The following OTUD3 variants were observed in gnomAD, a reference collection of about 807,000 sequenced individuals.
OTUD3 encodes OTU domain-containing protein 3.
A neutral mutation model predicts 46.2 loss-of-function variants in OTUD3; 24 were observed. That is an observed-to-expected ratio of 0.52 (90% CI 0.38 to 0.73). The LOEUF is 0.73. Among genes scored for constraint, OTUD3 ranks in the 30% least tolerant of loss-of-function variants. The pLI, the probability that OTUD3 is intolerant of heterozygous loss-of-function variation, is 0.00. For synonymous variants in OTUD3, 189 were observed against 195.4 expected, an observed-to-expected ratio of 0.97 and a Z score of 0.27; for missense variants, 455 against 523.3, an observed-to-expected ratio of 0.87 and a Z score of 1.27.
chr1:19,906,556 C>A lies in OTUD3; in HGVS notation c.960C>A (p.Asn320Lys). 1 of 1,613,600 alleles carries A rather than the reference C, an allele frequency of 6.2e-7. No homozygotes were observed. Residue 320 changes from asparagine (N) to lysine (K), a missense_variant, in exon 7 of 8, where the codon AAC (asparagine) becomes AAA (lysine). By Grantham distance (94) the Asn-to-Lys change is moderately conservative (BLOSUM62 0). Transcript: ENST00000375120. ...NQGLNEGRTENNKAQASPSEE... is the reference protein window; with the variant it reads ...NQGLNEGRTEKNKAQASPSEE... ...GCTTAAATGAAGGCAGGACCGAAAA[C>A]AATAAGGCACAGGCCAGCCCTAGTG...
At chr1:19,906,647 G>T (rs2045665520) in intron 7 of OTUD3, 31 bp downstream of exon 7, 2 of 1,553,220 alleles carry the variant, frequency 1.3e-6, no homozygotes, top group African/African-American at 1.4e-5. Context: ...TGGGCAGGTG[G>T]TGGGCAGGTG....
chr1:19,888,235 C>G (rs1264049727), intron 1 of OTUD3, among the ~76,000 whole-genome samples: 2 of 152,180 alleles, frequency 1.3e-5, no homozygotes, highest in Non-Finnish European at 2.9e-5. Flanking sequence ...AAAAATGATC[C>G]TGGAATGTCA....
At chr1:19,897,693 C>A in intron 4 of OTUD3, 31 bp downstream of exon 4, 2 of 1,605,990 alleles carry the variant, frequency 1.2e-6, no homozygotes, top group South Asian at 1.1e-5. Context: ...CTCCCGTATT[C>A]CCCGCCCTAC....
At position 19,911,103 on chromosome 1, in the gene OTUD3, C is replaced by T. The variant is rs567686573; in HGVS notation, c.*3357C>T. On this transcript the variant is annotated 3_prime_UTR_variant, in exon 8 of 8. Coordinates refer to ENST00000375120, the MANE Select transcript of OTUD3 (RefSeq NM_015207.2). ...GTTACCCTGACCAAAAGGATCTCTGCGGGGGGAAGAGAATGGAGCTTCCTG... is the reference window on the plus strand; with the variant it reads ...GTTACCCTGACCAAAAGGATCTCTGTGGGGGGAAGAGAATGGAGCTTCCTG... 88 of 152,336 alleles carry T rather than the reference C, an allele frequency of 5.8e-4. No individual in the cohort carries two copies. Among genetic ancestry groups the T allele is most frequent in the South Asian group, 1.0e-3 (5 of 4,818 alleles). The allele number at this position is 152,336 out of a possible 1,614,324, so 9.4% of individuals were successfully genotyped here. A position where few individuals can be genotyped will look rare whatever the true frequency, so the allele number is the denominator to read the frequency against.
intron 2 of OTUD3, among the ~76,000 whole-genome samples, chr1:19,892,362 A>G (rs956528409): frequency 6.6e-6 from 1 of 152,118 alleles, no homozygotes; most frequent in African/African-American, 2.4e-5. Flanking sequence ...TGTGCTGCCT[A>G]CCTTGTTGTA....
chr1:19,884,808 C>CAT (rs2045332571), intron 1 of OTUD3, among the ~76,000 whole-genome samples: 2 of 152,154 alleles, frequency 1.3e-5, no homozygotes, highest in African/African-American at 4.8e-5. Context: ...CCCACATCTC[C>CAT]GGTCCCTTGA....
At chr1:19,887,168 T>TC (rs1557673567) in intron 1 of OTUD3, among the ~76,000 whole-genome samples, 1 of 151,010 alleles carries the variant, frequency 6.6e-6, no homozygotes, top group Non-Finnish European at 1.5e-5. Context: ...CACTGGAACC[T>TC]CTGCCTCCCA....
intron 1 of OTUD3, among the ~76,000 whole-genome samples, chr1:19,885,158 A>G (rs537970807): frequency 6.6e-6 from 1 of 152,272 alleles, no homozygotes; most frequent in African/African-American, 2.4e-5. Context: ...GCACAAGGGT[A>G]GAAGTAACGG....
chr1:19,883,941 CAA>C (rs997972015), intron 1 of OTUD3, among the ~76,000 whole-genome samples: 9 of 152,206 alleles, frequency 5.9e-5, no homozygotes, highest in African/African-American at 2.2e-4. Flanking sequence ...TTTTTGCTCA[CAA>C]AGAGTTCACC....
At chr1:19,894,879 G>A (rs1045528653) in intron 3 of OTUD3, among the ~76,000 whole-genome samples, 4 of 151,964 alleles carry the variant, frequency 2.6e-5, no homozygotes, top group African/African-American at 4.8e-5. Flanking sequence ...ACCACTCACC[G>A]CTTTCTCACT....
intron 1 of OTUD3, among the ~76,000 whole-genome samples, 176 bp downstream of exon 1, chr1:19,882,910 T>C (rs1041841017): frequency 1.3e-5 from 2 of 152,134 alleles, no homozygotes; most frequent in Non-Finnish European, 2.9e-5. Context: ...GACAAGCCCC[T>C]CGCCCCGAGA....
chr1:19,900,350 CT>C (rs1400221001), intron 4 of OTUD3, among the ~76,000 whole-genome samples: 1 of 152,024 alleles, frequency 6.6e-6, no homozygotes, highest in Admixed American at 6.6e-5. Context: ...ACCACTATGC[CT>C]GGCTAATTTT....
intron 1 of OTUD3, among the ~76,000 whole-genome samples, chr1:19,886,735 G>A (rs1396237514): frequency 1.3e-5 from 2 of 152,204 alleles, no homozygotes; most frequent in Non-Finnish European, 2.9e-5. Context: ...TGGACTGCTA[G>A]TGAAAACACC....
intron 3 of OTUD3, among the ~76,000 whole-genome samples, chr1:19,896,033 T>C (rs2045513003): frequency 6.6e-6 from 1 of 152,174 alleles, no homozygotes; most frequent in Non-Finnish European, 1.5e-5. Flanking sequence ...TCCTGAGCAT[T>C]GAAAGTACAT....
chr1:19,902,001 C>T (rs1271304016), intron 4 of OTUD3, among the ~76,000 whole-genome samples: 1 of 152,120 alleles, frequency 6.6e-6, no homozygotes. Flanking sequence ...TTTACAAATA[C>T]CTATTTTCAG....
At chr1:19,899,293 A>G (rs2045557313) in intron 4 of OTUD3, among the ~76,000 whole-genome samples, 1 of 152,194 alleles carries the variant, frequency 6.6e-6, no homozygotes, top group African/African-American at 2.4e-5. Context: ...AAATATATAT[A>G]TAGATGTGCA....
rs372406990 is a variant in OTUD3 at position 19,905,986 on chromosome 1, G to A, written c.836-446G>A. Among the ~76,000 whole-genome samples, 8 of 152,278 alleles carry A rather than the reference G, an allele frequency of 5.3e-5. No homozygotes were observed. The East Asian group carries it at 1.5e-3, about 29-fold the overall frequency. On this transcript the variant is annotated intron_variant, in intron 6 of 7. Transcript: ENST00000375120. ...TGATCTGTGCTGTTCAGTATAGTGTGTACCTGCCACATGAGCAATGAGACT... is the reference window on the plus strand; with the variant it reads ...TGATCTGTGCTGTTCAGTATAGTGTATACCTGCCACATGAGCAATGAGACT...
chr1:19,901,609 C>A (rs1056397048), intron 4 of OTUD3, among the ~76,000 whole-genome samples: 2 of 152,154 alleles, frequency 1.3e-5, no homozygotes, highest in African/African-American at 4.8e-5. Context: ...ACAACCACTT[C>A]TTCTGTCTAG....
In OTUD3 at chr1:19,907,819, C is replaced by T. The variant is rs991566528; in HGVS notation, c.*73C>T. On this transcript the variant is annotated 3_prime_UTR_variant, in exon 8 of 8. Coordinates refer to ENST00000375120, the MANE Select transcript of OTUD3 (RefSeq NM_015207.2). ...TGTGTGCTAGACTTTCCAGTGAGGCCGTCCTTTTATAAAACGCAACACAAC... is the reference window on the plus strand; with the variant it reads ...TGTGTGCTAGACTTTCCAGTGAGGCTGTCCTTTTATAAAACGCAACACAAC... The T allele has an allele frequency of 4.9e-6, 7 of 1,433,728 alleles. No individual in the cohort carries two copies. The highest frequency in any genetic ancestry group is 4.2e-5 in the African/African-American group (3 of 70,918). The allele number at this position is 1,433,728 out of a possible 1,614,324, so 88.8% of individuals were successfully genotyped here.
Sources: gnomAD v4.1 joint callset for allele counts (sites outside exome capture counted in the v4.1 genomes callset) on GRCh38, gnomAD v4.1.1 for gene constraint, MANE v1.5 for transcripts, NCBI Gene and HGNC (gene_info 2026-07-23, HGNC 2026-07-21) for gene names.